CGNL1: variants seen among roughly 807,000 people sequenced by gnomAD.
The protein encoded by CGNL1 is cingulin like 1, also known as cingulin-like protein 1.
Under a neutral mutation model 141.2 loss-of-function variants are expected in CGNL1, and 132 were observed. The observed-to-expected ratio is 0.93, with a 90% confidence interval of 0.81 to 1.08. The LOEUF (loss-of-function observed/expected upper bound fraction) is 1.08, where lower values mean the gene tolerates loss of function less well. Ranked by LOEUF, CGNL1 falls within the 50% of genes least tolerant of loss-of-function variation. The pLI, the probability that CGNL1 is intolerant of heterozygous loss-of-function variation, is 0.00. For missense variants in CGNL1, 1,870 were observed against 1,588.6 expected (o/e 1.18, Z -3.01); for synonymous variants, 690 against 622.1 (o/e 1.11, Z -1.63).
chr15:57,458,382 C>T (rs2063405082), intron 7 of CGNL1, among the ~76,000 whole-genome samples: 1 of 152,176 alleles, frequency 6.6e-6, no homozygotes, highest in Admixed American at 6.5e-5. Context: ...TGGAAAACTT[C>T]AAGTGCTACT....
chr15:57,546,493 C>T (rs1242968840), intron 18 of CGNL1, among the ~76,000 whole-genome samples: 1 of 152,176 alleles, frequency 6.6e-6, no homozygotes, highest in African/African-American at 2.4e-5. Flanking sequence ...CCCTGTTGAT[C>T]ATAAGGGGAA....
Position 57,399,579 on chromosome 15 carries a change from C to T in CGNL1, c.-16+23012C>T, listed in dbSNP as rs764086219. Among the ~76,000 whole-genome samples the T allele has an allele frequency of 1.9e-4, 28 of 147,466 alleles. 1 individual carries two copies. Among genetic ancestry groups the T allele is most frequent in the Admixed American group, 6.1e-4 (9 of 14,796 alleles). On this transcript the variant is annotated intron_variant, in intron 1 of 18. Coordinates refer to ENST00000281282, the MANE Select transcript of CGNL1 (RefSeq NM_032866.5). ...TTTTTTCCTAACAAAATTCTGTATG[C>T]GGAAAATAGGAAAAATAATACAAGA...
chr15:57,392,232 G>T (rs1362131731), intron 1 of CGNL1, among the ~76,000 whole-genome samples: 1 of 152,118 alleles, frequency 6.6e-6, no homozygotes, highest in Non-Finnish European at 1.5e-5. Flanking sequence ...CTTAGTAGGG[G>T]TGGGAGATAT....
intron 6 of CGNL1, among the ~76,000 whole-genome samples, chr15:57,453,131 A>G (rs554768938): frequency 1.2e-4 from 19 of 152,262 alleles, no homozygotes; most frequent in Admixed American, 3.9e-4. Flanking sequence ...GGTGGTGATT[A>G]TTTTAGGGTT....
chr15:57,442,199 A>AAAAAAAAAAAAAAAAC, intron 3 of CGNL1, among the ~76,000 whole-genome samples, 174 bp from the exon 4 acceptor site: 1 of 150,718 alleles, frequency 6.6e-6, no homozygotes, highest in Non-Finnish European at 1.5e-5. Flanking sequence ...AAAAAAAAAA[A>AAAAAAAAAAAAAAAAC]AAAAGACACC....
Position 57,524,584 on chromosome 15 carries a change from G to A in CGNL1, c.2872G>A (p.Ala958Thr), listed in dbSNP as rs1410486810. The change falls in exon 12 of 19, where the codon GCA becomes ACA. Residue 958 changes from alanine to threonine, a missense_variant. By Grantham distance (58) the Ala-to-Thr change is moderately conservative. Coordinates refer to ENST00000281282, the MANE Select transcript of CGNL1 (RefSeq NM_032866.5). ...KTIEKLQKEM[A>T]DIVEASRTST... ...ACACCCGTGTCACTTCTTCTAGATG[G>A]CAGACATTGTTGAGGCCTCCCGTAC... is the stretch of plus-strand genomic sequence containing the variant. The A allele has an allele frequency of 6.2e-7, 1 of 1,611,836 alleles. No homozygotes were observed. The highest frequency in any genetic ancestry group is 1.3e-5 in the African/African-American group (1 of 74,866).
At chr15:57,545,364 C>G (rs1427256594) in intron 16 of CGNL1, among the ~76,000 whole-genome samples, 1 of 152,246 alleles carries the variant, frequency 6.6e-6, no homozygotes, top group African/African-American at 2.4e-5. Context: ...CATGGCTCAG[C>G]CCCTTGCTGG....
In CGNL1 at chr15:57,523,659, G is replaced by A. The variant is rs756390320; in HGVS notation, c.2868+18G>A. ...AGAAGGAGGTGAGGGGCTGGAGGAG[G>A]AAAGAGGAAGTAGGGCCAGATGTCT... On this transcript the variant is annotated intron_variant, in intron 11 of 18. Coordinates refer to ENST00000281282, the MANE Select transcript of CGNL1 (RefSeq NM_032866.5). The A allele has an allele frequency of 1.9e-6, 3 of 1,613,194 alleles. No individual in the cohort carries two copies. Among genetic ancestry groups the A allele is most frequent in the Non-Finnish European group, 2.5e-6 (3 of 1,179,654 alleles).
chr15:57,378,154 A>G (rs983121715), intron 1 of CGNL1, among the ~76,000 whole-genome samples: 3 of 152,216 alleles, frequency 2.0e-5, no homozygotes, highest in Non-Finnish European at 4.4e-5. Flanking sequence ...AAATGTAACC[A>G]TGCTTATATT....
Position 57,464,109 on chromosome 15 carries a change from G to T in CGNL1, c.2403+2217G>T, listed in dbSNP as rs28756112. 1.9e-4 allele frequency among the ~76,000 whole-genome samples: 29 copies of T among 150,632 alleles called. No individual in the cohort carries two copies. The East Asian group carries it at 5.7e-3, about 29-fold the overall frequency. ...TCCTGAGAGGGAGTGACAAACTCTA[G>T]TACCTCTGGGGCCAGACAGGGAGCA... is the stretch of plus-strand genomic sequence containing the variant. On this transcript the variant is annotated intron_variant, in intron 8 of 18. Coordinates refer to ENST00000281282, the MANE Select transcript of CGNL1 (RefSeq NM_032866.5).
At chr15:57,424,274 G>A (rs1409188391) in intron 1 of CGNL1, among the ~76,000 whole-genome samples, 1 of 152,124 alleles carries the variant, frequency 6.6e-6, no homozygotes, top group Admixed American at 6.5e-5. Context: ...CTCTTTCAAA[G>A]CAAATATTCC....
chr15:57,493,232 A>T (rs1366071458), intron 8 of CGNL1, among the ~76,000 whole-genome samples: 1 of 152,194 alleles, frequency 6.6e-6, no homozygotes, highest in African/African-American at 2.4e-5. Flanking sequence ...AAATTTAAGT[A>T]AGAGCTGAAG....
intron 8 of CGNL1, among the ~76,000 whole-genome samples, chr15:57,516,284 A>C (rs1159138148): frequency 6.6e-6 from 1 of 152,132 alleles, no homozygotes; most frequent in Non-Finnish European, 1.5e-5. Context: ...GCCCGAATGC[A>C]GTTCCTCCTA....
chr15:57,447,463 T>A (rs1162989007), intron 4 of CGNL1, among the ~76,000 whole-genome samples: 1 of 152,246 alleles, frequency 6.6e-6, no homozygotes, highest in Admixed American at 6.5e-5. Context: ...TGACCTCAGT[T>A]GGCTCCATTG....
In CGNL1 at chr15:57,450,563, G is replaced by T. The variant is rs146790799; in HGVS notation, c.1804-937G>T. Reference sequence around the variant, plus strand: ...AAGTACTGGGATTACTGCATGAGCCGCCCCACCCAGCCTCATTGTTGTTTT... The same window carrying T: ...AAGTACTGGGATTACTGCATGAGCCTCCCCACCCAGCCTCATTGTTGTTTT... On this transcript the variant is annotated intron_variant, in intron 4 of 18. Coordinates refer to ENST00000281282, the MANE Select transcript of CGNL1 (RefSeq NM_032866.5). Among the ~76,000 whole-genome samples the T allele has an allele frequency of 4.1e-3, 621 of 152,170 alleles. 8 individuals carry two copies. Among genetic ancestry groups the T allele is most frequent in the African/African-American group, 0.014 (587 of 41,536 alleles).
chr15:57,494,905 G>C (rs1169062760), intron 8 of CGNL1, among the ~76,000 whole-genome samples: 1 of 152,220 alleles, frequency 6.6e-6, no homozygotes, highest in African/African-American at 2.4e-5. Context: ...TGTAAAGCCA[G>C]AAGGTAGCTC....
intron 1 of CGNL1, among the ~76,000 whole-genome samples, chr15:57,404,110 C>G (rs775380163): frequency 6.6e-6 from 1 of 152,214 alleles, no homozygotes; most frequent in Admixed American, 6.5e-5. Context: ...AGCCCTTTCT[C>G]AAGGCTGCCT....
intron 1 of CGNL1, among the ~76,000 whole-genome samples, chr15:57,413,484 A>T (rs2062815905): frequency 1.3e-5 from 2 of 151,958 alleles, no homozygotes; most frequent in African/African-American, 4.8e-5. Flanking sequence ...GGTTGTCCCT[A>T]GGGGTTGCCC....
chr15:57,400,752 G>A (rs11631792), intron 1 of CGNL1, among the ~76,000 whole-genome samples: 59,061 of 151,288 alleles, frequency 0.39, 11,928 homozygotes, highest in Non-Finnish European at 0.45. Context: ...GCTTGGTGGC[G>A]CCTGCCTGTA....
Sources: gnomAD v4.1 joint callset for allele counts (sites outside exome capture counted in the v4.1 genomes callset) on GRCh38, gnomAD v4.1.1 for gene constraint, MANE v1.5 for transcripts, NCBI Gene and HGNC (gene_info 2026-07-23, HGNC 2026-07-21) for gene names.